Variants in STS observed in about 807,000 individuals in gnomAD.
The protein encoded by STS is steryl-sulfatase.
A neutral mutation model predicts 26.8 loss-of-function variants in STS; 7 were observed. That is an observed-to-expected ratio of 0.26 (90% CI 0.15 to 0.49). The LOEUF (loss-of-function observed/expected upper bound fraction) is 0.49. Among genes scored for constraint, STS ranks in the 20% least tolerant of loss-of-function variants. STS has a pLI of 0.98. For synonymous variants in STS, 199 were observed against 189.4 expected (o/e 1.05, Z -0.42); for missense variants, 434 against 465.6 (o/e 0.93, Z 0.63).
chrX:7,289,212 G>T (rs1925291354), intron 7 of STS, among the ~76,000 whole-genome samples: 1 of 111,347 alleles, frequency 9.0e-6, no homozygotes, highest in Non-Finnish European at 1.9e-5. Context: ...ACCATTTCTG[G>T]GTGGGGTTTT....
At chrX:7,237,428 G>T (rs183916310) in intron 2 of STS, among the ~76,000 whole-genome samples, 1 of 111,740 alleles carries the variant, frequency 8.9e-6, no homozygotes, top group East Asian at 2.8e-4. Context: ...GGGATTACAG[G>T]TGTGAAGTAC....
intron 1 of STS, among the ~76,000 whole-genome samples, chrX:7,187,318 G>A (rs1161173073): frequency 8.9e-6 from 1 of 111,995 alleles, no homozygotes; most frequent in African/African-American, 3.2e-5. Context: ...GGTTTTCAGT[G>A]CTTACTTCTA....
intron 7 of STS, among the ~76,000 whole-genome samples, chrX:7,291,097 A>G (rs374206911): frequency 8.9e-5 from 10 of 111,736 alleles, no homozygotes; most frequent in African/African-American, 2.9e-4. Context: ...AGAAAAATGG[A>G]GTAAATGAAA....
At chrX:7,241,926 G>A (rs1197211418) in intron 2 of STS, among the ~76,000 whole-genome samples, 2 of 111,577 alleles carry the variant, frequency 1.8e-5, no homozygotes, top group African/African-American at 6.5e-5. Context: ...TCACCTGAAA[G>A]CCTCATTTTT....
intron 7 of STS, among the ~76,000 whole-genome samples, chrX:7,282,699 G>T (rs1203773720): frequency 8.9e-6 from 1 of 112,103 alleles, no homozygotes; most frequent in African/African-American, 3.2e-5. Flanking sequence ...AAAATATTTT[G>T]ATTTCCTTCA....
At chrX:7,291,975 C>T (rs1285799199) in intron 7 of STS, among the ~76,000 whole-genome samples, 1 of 112,066 alleles carries the variant, frequency 8.9e-6, no homozygotes, top group African/African-American at 3.2e-5. Flanking sequence ...TTTTATGCAT[C>T]CGATTTGTTG....
chrX:7,230,095 G>A (rs745946889), intron 2 of STS, among the ~76,000 whole-genome samples: 4 of 109,877 alleles, frequency 3.6e-5, no homozygotes, highest in South Asian at 4.0e-4. Flanking sequence ...TCTATGTTGC[G>A]CAGGCTGGTC....
At chrX:7,180,794 C>G (rs932909075) in intron 1 of STS, among the ~76,000 whole-genome samples, 6 of 112,067 alleles carry the variant, frequency 5.4e-5, no homozygotes. Context: ...CCCAGCTACC[C>G]AAGATTAATA....
At chrX:7,221,116 C>T (rs1360750424) in intron 2 of STS, among the ~76,000 whole-genome samples, 5 of 112,367 alleles carry the variant, frequency 4.4e-5, no homozygotes, top group African/African-American at 1.6e-4. Context: ...AAGTCTTCTT[C>T]GTAGGAGCTG....
rs150292088 is a variant in STS, at chrX:7,330,186, G to A, written c.1242-3800G>A. On this transcript the variant is annotated intron_variant, in intron 9 of 10. Coordinates refer to ENST00000674429, the MANE Select transcript of STS (RefSeq NM_001320752.2). Reference sequence around the variant, plus strand: ...AGGACAACCTTTTGTGTTACAAAAGGCAGCAACAAGGACTTACAAAAAAGA... The same window carrying A: ...AGGACAACCTTTTGTGTTACAAAAGACAGCAACAAGGACTTACAAAAAAGA... 2.5e-3 allele frequency among the ~76,000 whole-genome samples: 276 copies of A among 111,674 alleles called. 2 individuals are homozygous for A. Among genetic ancestry groups the A allele is most frequent in the African/African-American group, 8.5e-3 (261 of 30,727 alleles).
chrX:7,212,148 G>A (rs1192685130), intron 2 of STS, among the ~76,000 whole-genome samples: 1 of 111,845 alleles, frequency 8.9e-6, no homozygotes, highest in East Asian at 2.8e-4. Flanking sequence ...AATTGAGAAG[G>A]GGATGTGGTT....
intron 8 of STS, among the ~76,000 whole-genome samples, chrX:7,306,727 A>C (rs1476240824): frequency 8.9e-6 from 1 of 111,890 alleles, no homozygotes; most frequent in Non-Finnish European, 1.9e-5. Context: ...CAAAGGAGAC[A>C]CGGCTAGAAA....
At chrX:7,219,668 A>G (rs1354873583) in intron 2 of STS, 1 of 1,210,342 alleles carries the variant, frequency 8.3e-7, no homozygotes. Context: ...CAGGATCACA[A>G]GCTGGAGATG....
chrX:7,279,874 G>T (rs1342891300), intron 7 of STS, among the ~76,000 whole-genome samples: 8 of 111,118 alleles, frequency 7.2e-5, no homozygotes, highest in African/African-American at 2.6e-4. Context: ...TGCTGCCAGT[G>T]GTCCCTGTGC....
At chrX:7,285,043 TATG>T (rs1336648930) in intron 7 of STS, among the ~76,000 whole-genome samples, 1 of 110,389 alleles carries the variant, frequency 9.1e-6, no homozygotes, top group Non-Finnish European at 1.9e-5. Flanking sequence ...TGGTGGTAAT[TATG>T]ATGATAGTGA....
At chrX:7,178,028 A>G (rs1451470893) in intron 1 of STS, among the ~76,000 whole-genome samples, 1 of 110,767 alleles carries the variant, frequency 9.0e-6, no homozygotes, top group Non-Finnish European at 1.9e-5. Flanking sequence ...CTGGCAAGGA[A>G]TCCTTCCACC....
intron 8 of STS, among the ~76,000 whole-genome samples, chrX:7,320,003 TA>T (rs1926912091): frequency 2.3e-5 from 2 of 85,526 alleles, no homozygotes; most frequent in African/African-American, 1.1e-4. Flanking sequence ...TATATATTTT[TA>T]TATATATATT....
chrX:7,322,450 G>T (rs1189612246), intron 8 of STS, among the ~76,000 whole-genome samples: 2 of 111,892 alleles, frequency 1.8e-5, no homozygotes, highest in Admixed American at 1.9e-4. Flanking sequence ...ACACAGGCTA[G>T]AGTGCACTGG....
chrX:7,170,297 G>A (rs1323211374), intron 1 of STS, among the ~76,000 whole-genome samples: 3 of 110,616 alleles, frequency 2.7e-5, no homozygotes. Flanking sequence ...TCTCACTAGG[G>A]TGAAGTGTTC....
Sources: gnomAD v4.1 joint callset for allele counts (sites outside exome capture counted in the v4.1 genomes callset) on GRCh38, gnomAD v4.1.1 for gene constraint, MANE v1.5 for transcripts, NCBI Gene and HGNC (gene_info 2026-07-23, HGNC 2026-07-21) for gene names.